The following CEP350 variants were observed in gnomAD, a reference collection of about 807,000 sequenced individuals.
CEP350 encodes the protein centrosome-associated protein 350.
CEP350 carries 126 observed loss-of-function variants against 331.8 expected under a neutral mutation model. The ratio of observed to expected loss-of-function variants is 0.38; its 90% CI spans 0.33 to 0.44. The LOEUF (loss-of-function observed/expected upper bound fraction) is 0.44. Ranked by LOEUF, CEP350 falls within the 20% of genes least tolerant of loss-of-function variation. The probability of loss-of-function intolerance (pLI) is 1.00; values close to 1 mark genes in which losing one functional copy is unlikely to be tolerated. For missense variants in CEP350, 3,406 were observed against 3,634.6 expected (o/e 0.94, Z 1.62); for synonymous variants, 1,200 against 1,259.5 (o/e 0.95, Z 1.00).
chr1:179,993,988 A>G (rs993315186), intron 5 of CEP350, among the ~76,000 whole-genome samples: 1 of 152,142 alleles, frequency 6.6e-6, no homozygotes, highest in African/African-American at 2.4e-5. Context: ...TTTTGGTTCC[A>G]TATCTGCCCA....
chr1:179,954,950 C>A lies in CEP350; in HGVS notation c.-206C>A. On this transcript the variant is annotated 5_prime_UTR_variant, in exon 1 of 38. Coordinates refer to ENST00000367607, the MANE Select transcript of CEP350 (RefSeq NM_014810.5). The stretch of plus-strand genomic sequence containing the variant: ...CTTGCCCTGAGGGAGGGGAGGCAGC[C>A]TTTCCGCCTTGTCTTCCTTCCCAGC... 2.8e-6 allele frequency: 3 copies of A among 1,063,994 alleles called. No individual in the cohort carries two copies. The highest frequency in any genetic ancestry group is 3.7e-6 in the Non-Finnish European group (3 of 804,926). 65.9% of individuals were successfully genotyped at this position (1,063,994 alleles called of 1,614,324 possible).
At chr1:179,976,715 TTC>T (rs1651896316) in intron 1 of CEP350, among the ~76,000 whole-genome samples, 5 of 152,136 alleles carry the variant, frequency 3.3e-5, no homozygotes. Context: ...GGAAATGAAT[TTC>T]AAATATATTT....
chr1:180,016,579 C>A (rs1014491943), intron 11 of CEP350, among the ~76,000 whole-genome samples: 1 of 151,492 alleles, frequency 6.6e-6, no homozygotes, highest in Non-Finnish European at 1.5e-5. Flanking sequence ...GTAATAATAA[C>A]CATTTTGGAA....
chr1:179,999,568 TTTTAAG>T (rs770397801), intron 6 of CEP350, among the ~76,000 whole-genome samples: 60 of 152,238 alleles, frequency 3.9e-4, no homozygotes, highest in Middle Eastern at 6.8e-3. Context: ...TAAAGTGACA[TTTTAAG>T]TTTGTTTGTT....
At chr1:179,998,065 T>C (rs1367078798) in intron 6 of CEP350, among the ~76,000 whole-genome samples, 1 of 151,782 alleles carries the variant, frequency 6.6e-6, no homozygotes, top group East Asian at 1.9e-4. Flanking sequence ...TTAAGGGGTT[T>C]CTATTTTTCT....
chr1:179,979,619 A>G (rs1051632711), intron 1 of CEP350, among the ~76,000 whole-genome samples: 4 of 151,728 alleles, frequency 2.6e-5, no homozygotes, highest in Non-Finnish European at 1.5e-5. Flanking sequence ...AAAATCTTTT[A>G]CTAGACCAGT....
intron 30 of CEP350, among the ~76,000 whole-genome samples, chr1:180,081,977 GTGAAAAAT>G: frequency 6.6e-6 from 1 of 152,270 alleles, no homozygotes; most frequent in Non-Finnish European, 1.5e-5. Context: ...ATGTACGTTG[GTGAAAAAT>G]TACTTCCAAG....
chr1:179,978,781 G>C (rs914124169), intron 1 of CEP350, among the ~76,000 whole-genome samples: 1 of 152,074 alleles, frequency 6.6e-6, no homozygotes, highest in Non-Finnish European at 1.5e-5. Context: ...TTATGGAAAT[G>C]TGAATGGTTT....
chr1:180,021,472 GGTGAAA>G (rs1386210462), intron 12 of CEP350, among the ~76,000 whole-genome samples: 2 of 152,020 alleles, frequency 1.3e-5, no homozygotes, highest in African/African-American at 4.8e-5. Context: ...TGGCCAACAT[GGTGAAA>G]CCCCACCATT....
At chr1:179,955,823 C>G (rs1323270390) in intron 1 of CEP350, among the ~76,000 whole-genome samples, 1 of 152,168 alleles carries the variant, frequency 6.6e-6, no homozygotes, top group African/African-American at 2.4e-5. Context: ...AGTAGCAAAT[C>G]CTTCATATGG....
intron 25 of CEP350, among the ~76,000 whole-genome samples, chr1:180,058,068 T>A (rs1296841886): frequency 6.6e-6 from 1 of 152,196 alleles, no homozygotes; most frequent in East Asian, 1.9e-4. Context: ...TGCCACTACC[T>A]GGTTCAGTTG....
At chr1:180,065,322 C>A (rs756717822) in intron 27 of CEP350, 50 bp downstream of exon 27, 12 of 1,492,572 alleles carry the variant, frequency 8.0e-6, no homozygotes, top group South Asian at 1.3e-5. Flanking sequence ...GAAAGTAGTA[C>A]AACAAATAAC....
intron 25 of CEP350, among the ~76,000 whole-genome samples, chr1:180,060,848 A>G (rs1658186099): frequency 6.6e-6 from 1 of 152,144 alleles, no homozygotes; most frequent in Non-Finnish European, 1.5e-5. Context: ...CAAATAGTAT[A>G]TCTTTTTTTT....
Position 180,093,877 on chromosome 1 carries a change from A to G in CEP350, c.7772A>G (p.Tyr2591Cys), listed in dbSNP as rs763706933. ...DCYSDERYQC[Y>C]NQEQNDTEGP... ...TACTCAGATGAACGATATCAGTGCT[A>G]TAATCAAGAGCAAAATGATACAGAG... Residue 2591 changes from tyrosine to cysteine, a missense_variant, in exon 34 of 38, where the codon TAT becomes TGT. By Grantham distance (194) the Tyr-to-Cys change is radical. Transcript: ENST00000367607. 1.9e-6 allele frequency: 3 copies of G among 1,613,792 alleles called. No individual in the cohort carries two copies. Among genetic ancestry groups the G allele is most frequent in the Non-Finnish European group, 2.5e-6 (3 of 1,179,872 alleles).
chr1:180,092,545 AC>A lies in CEP350; in HGVS notation c.6509-68del, dbSNP rs1205029302. The stretch of plus-strand genomic sequence containing the variant: ...TCACTAAAATTTGGCTTTTCTCTAA[AC>A]TTTGGTTCACAAAATTGAAAGATAG... On this transcript the variant is annotated intron_variant, in intron 33 of 37. Coordinates refer to ENST00000367607, the MANE Select transcript of CEP350 (RefSeq NM_014810.5). The A allele has an allele frequency of 7.1e-6, 9 of 1,269,364 alleles. No homozygotes were observed. The African/African-American group carries it at 1.3e-4, about 19-fold the overall frequency. 78.6% of individuals were successfully genotyped at this position (1,269,364 alleles called of 1,614,324 possible).
chr1:180,060,168 T>TA (rs1658105782), intron 25 of CEP350, among the ~76,000 whole-genome samples: 2 of 152,220 alleles, frequency 1.3e-5, no homozygotes, highest in African/African-American at 4.8e-5. Context: ...TTTAGTGTTA[T>TA]AAAAAATGGT....
chr1:180,105,853 G>C (rs193254257), intron 37 of CEP350, among the ~76,000 whole-genome samples: 2 of 152,118 alleles, frequency 1.3e-5, no homozygotes, highest in Admixed American at 1.3e-4. Flanking sequence ...TTGTTGCTTG[G>C]GCTGAGGATG....
At chr1:180,065,028 G>T in intron 26 of CEP350, 87 bp from the exon 27 acceptor site, 1 of 1,339,294 alleles carries the variant, frequency 7.5e-7, no homozygotes. Context: ...TTGTATTGTG[G>T]ATAAACTTAA....
chr1:180,080,745 TAG>T, intron 30 of CEP350, 84 bp downstream of exon 30: 1 of 1,158,530 alleles, frequency 8.6e-7, no homozygotes, highest in Non-Finnish European at 1.3e-6. Flanking sequence ...TTGTTGACCT[TAG>T]GAAGCATATG....
Sources: allele counts gnomAD v4.1 joint callset (sites outside exome capture counted in the v4.1 genomes callset), GRCh38; gene constraint gnomAD v4.1.1; transcripts MANE v1.5; gene names NCBI Gene and HGNC (gene_info 2026-07-23, HGNC 2026-07-21).